The following TMEFF2 variants were observed in gnomAD, a reference collection of about 807,000 sequenced individuals.
TMEFF2 encodes the protein transmembrane protein with EGF like and two follistatin like domains 2.
TMEFF2 carries 28 observed loss-of-function variants against 53.8 expected under a neutral mutation model. The ratio of observed to expected loss-of-function variants is 0.52; its 90% CI spans 0.39 to 0.71. The LOEUF is 0.71. TMEFF2 is among the 30% of genes least tolerant of loss of function. The pLI is 0.00. For synonymous variants in TMEFF2, 162 were observed against 166.3 expected (o/e 0.97, Z 0.20); for missense variants, 353 against 455.2 (o/e 0.78, Z 2.04).
intron 5 of TMEFF2, among the ~76,000 whole-genome samples, chr2:192,019,803 A>C (rs1235664790): frequency 6.6e-6 from 1 of 152,052 alleles, no homozygotes; most frequent in African/African-American, 2.4e-5. Flanking sequence ...TAATATGTAA[A>C]CTATGTTCAA....
chr2:192,160,218 GT>G lies in TMEFF2; in HGVS notation c.439+19449del, dbSNP rs1169198528. On this transcript the variant is annotated intron_variant, in intron 4 of 9. Transcript: ENST00000272771. The stretch of plus-strand genomic sequence containing the variant: ...ATTTCAAAAAGAATTTGGTATCAAA[GT>G]CAATGTGAAGGCTGAAATATAAGTT... Among the ~76,000 whole-genome samples, 3 of 152,124 alleles carry G rather than the reference GT, an allele frequency of 2.0e-5. No individual in the cohort carries two copies. In the East Asian group the frequency reaches 5.8e-4, roughly 29 times the overall value.
chr2:191,978,342 T>C (rs925602781), intron 7 of TMEFF2, among the ~76,000 whole-genome samples: 2 of 152,052 alleles, frequency 1.3e-5, no homozygotes, highest in Admixed American at 6.5e-5. Context: ...CTTGGAAAAA[T>C]TGCTTAATCT....
chr2:191,955,826 C>G (rs1028180811), intron 8 of TMEFF2, among the ~76,000 whole-genome samples: 1 of 151,842 alleles, frequency 6.6e-6, no homozygotes. Context: ...ATGAGAAGAC[C>G]TGAAGGACTT....
chr2:192,149,076 A>G (rs1228190186), intron 4 of TMEFF2, among the ~76,000 whole-genome samples: 2 of 152,042 alleles, frequency 1.3e-5, no homozygotes, highest in South Asian at 4.1e-4. Flanking sequence ...ACAAGCTACC[A>G]ATCACTTAGT....
intron 5 of TMEFF2, among the ~76,000 whole-genome samples, chr2:192,004,966 C>T (rs1471151815): frequency 2.0e-5 from 3 of 152,056 alleles, no homozygotes; most frequent in African/African-American, 7.2e-5. Context: ...TTTTTTCAAC[C>T]TATCTCAGTC....
rs542285196 is a variant in TMEFF2, at chr2:192,050,136, TATAAA to T, written c.536+7538_536+7542del. 2.2e-3 allele frequency among the ~76,000 whole-genome samples: 332 copies of T among 152,360 alleles called. 2 individuals carry two copies. Among genetic ancestry groups the T allele is most frequent in the African/African-American group, 7.6e-3 (316 of 41,588 alleles). On this transcript the variant is annotated intron_variant, in intron 5 of 9. Transcript: ENST00000272771. ...GCCATGCAGTATTTTATGATTTTGATATAAAATAGAAATTACATGATTTAAACTGC... is the reference window on the plus strand; with the variant it reads ...GCCATGCAGTATTTTATGATTTTGATATAGAAATTACATGATTTAAACTGC...
chr2:192,158,644 T>C (rs1331635214), intron 4 of TMEFF2, among the ~76,000 whole-genome samples: 1 of 152,230 alleles, frequency 6.6e-6, no homozygotes, highest in East Asian at 1.9e-4. Context: ...TTAGATGTTA[T>C]TACTCCACAC....
intron 4 of TMEFF2, among the ~76,000 whole-genome samples, chr2:192,071,668 C>T (rs1559113436): frequency 6.6e-6 from 1 of 151,844 alleles, no homozygotes; most frequent in Non-Finnish European, 1.5e-5. Context: ...ATAACCTATG[C>T]ACATCCTCTC....
At chr2:192,131,584 T>C (rs1242496982) in intron 4 of TMEFF2, among the ~76,000 whole-genome samples, 2 of 151,810 alleles carry the variant, frequency 1.3e-5, no homozygotes, top group East Asian at 3.9e-4. Context: ...TGTGCCCCAA[T>C]CCCTTATTTC....
chr2:192,080,998 A>G (rs1327554065), intron 4 of TMEFF2, among the ~76,000 whole-genome samples: 2 of 152,184 alleles, frequency 1.3e-5, no homozygotes, highest in African/African-American at 4.8e-5. Context: ...CATTCATTGC[A>G]ATAATATTTA....
chr2:192,073,983 T>C (rs1422570800), intron 4 of TMEFF2, among the ~76,000 whole-genome samples: 1 of 151,944 alleles, frequency 6.6e-6, no homozygotes, highest in Middle Eastern at 3.2e-3. Flanking sequence ...AAGATTTAGG[T>C]ATCTCTCAAG....
intron 4 of TMEFF2, among the ~76,000 whole-genome samples, chr2:192,167,064 A>G (rs1690786771): frequency 6.6e-6 from 1 of 152,146 alleles, no homozygotes; most frequent in Non-Finnish European, 1.5e-5. Flanking sequence ...TACTCTTTTC[A>G]GAATAGCATC....
intron 5 of TMEFF2, chr2:192,021,852 G>C (rs919624335): frequency 6.6e-6 from 1 of 152,154 alleles, no homozygotes; most frequent in African/African-American, 2.4e-5. Flanking sequence ...AGCAAATACA[G>C]GAACTAAGTC....
At chr2:192,159,600 A>G (rs1226963808) in intron 4 of TMEFF2, among the ~76,000 whole-genome samples, 2 of 152,156 alleles carry the variant, frequency 1.3e-5, no homozygotes, top group African/African-American at 4.8e-5. Context: ...AAATTTGGTA[A>G]TACAAAAAAC....
At chr2:192,100,532 A>T (rs1689009884) in intron 4 of TMEFF2, among the ~76,000 whole-genome samples, 2 of 152,168 alleles carry the variant, frequency 1.3e-5, no homozygotes, top group Admixed American at 1.3e-4. Flanking sequence ...GTGAAGAATG[A>T]CCCTTTTATT....
At chr2:192,065,703 T>C (rs186365049) in intron 4 of TMEFF2, among the ~76,000 whole-genome samples, 115 of 151,902 alleles carry the variant, frequency 7.6e-4, no homozygotes, top group Non-Finnish European at 1.4e-3. Flanking sequence ...ATATCTGTTG[T>C]AGCTAAAATG....
chr2:191,992,309 G>T (rs1400352461), intron 7 of TMEFF2, among the ~76,000 whole-genome samples: 1 of 152,004 alleles, frequency 6.6e-6, no homozygotes, highest in African/African-American at 2.4e-5. Flanking sequence ...ACGAGCAAAT[G>T]GAAAAAGCTT....
At chr2:191,975,991 G>T (rs1258744663) in intron 7 of TMEFF2, among the ~76,000 whole-genome samples, 1 of 152,132 alleles carries the variant, frequency 6.6e-6, no homozygotes, top group African/African-American at 2.4e-5. Context: ...ATATTTCTCA[G>T]TGTTTTCTAA....
intron 4 of TMEFF2, among the ~76,000 whole-genome samples, chr2:192,118,444 G>A (rs1689469543): frequency 6.6e-6 from 1 of 152,122 alleles, no homozygotes; most frequent in African/African-American, 2.4e-5. Context: ...TCTTTAAAAA[G>A]TATATATAAG....
Sources: allele counts gnomAD v4.1 joint callset (sites outside exome capture counted in the v4.1 genomes callset), GRCh38; gene constraint gnomAD v4.1.1; transcripts MANE v1.5; gene names NCBI Gene and HGNC (gene_info 2026-07-23, HGNC 2026-07-21).